Variants in NFATC1 observed in about 807,000 individuals in gnomAD.
NFATC1 encodes nuclear factor of activated T cells 1.
NFATC1 carries 22 observed loss-of-function variants against 76.0 expected under a neutral mutation model. That is an observed-to-expected ratio of 0.29 (90% CI 0.21 to 0.41). The LOEUF is 0.41. Among genes scored for constraint, NFATC1 ranks in the 10% least tolerant of loss-of-function variants. The pLI, the probability that NFATC1 is intolerant of heterozygous loss-of-function variation, is 1.00. For synonymous variants in NFATC1, 704 were observed against 613.1 expected, an observed-to-expected ratio of 1.15 and a Z score of -2.19; for missense variants, 1,357 against 1,337.7, an observed-to-expected ratio of 1.01 and a Z score of -0.23.
chr18:79,486,466 C>T lies in NFATC1; in HGVS notation c.2311C>T (p.Leu771Phe), dbSNP rs2089498651. ...TGGCGTGAGCCCCAAGCTCCACGAC[C>T]TTTCTCCCGCTGCCTACACCAAGGG... The part of the protein sequence containing the change: ...APGVSPKLHD[L>F]SPAAYTKGVA... The change falls in exon 9 of 10, where the codon CTT becomes TTT. Residue 771 changes from leucine to phenylalanine, a missense_variant. By Grantham distance (22) the Leu-to-Phe change is conservative. Around this residue, in one of 3 missense-constraint regions of NFATC1, gnomAD observed 424 missense variants for 395.4 expected, o/e 1.07. Coordinates refer to ENST00000427363, the MANE Select transcript of NFATC1 (RefSeq NM_001278669.2). 6.2e-7 allele frequency: 1 copy of T among 1,609,892 alleles called. No homozygotes were observed. The highest frequency in any genetic ancestry group is 8.5e-7 in the Non-Finnish European group (1 of 1,179,830).
At chr18:79,446,425 A>G (rs2144749197) in intron 3 of NFATC1, among the ~76,000 whole-genome samples, 1 of 152,260 alleles carries the variant, frequency 6.6e-6, no homozygotes, top group South Asian at 2.1e-4. Flanking sequence ...TCAGCGACTC[A>G]TTTACATTTT....
At chr18:79,513,527 A>G (rs1455657683) in intron 9 of NFATC1, among the ~76,000 whole-genome samples, 1 of 152,260 alleles carries the variant, frequency 6.6e-6, no homozygotes, top group Non-Finnish European at 1.5e-5. Context: ...TTAAAGATTC[A>G]AACGATAATT....
chr18:79,488,756 G>C (rs1044184733), intron 9 of NFATC1, among the ~76,000 whole-genome samples: 1 of 152,158 alleles, frequency 6.6e-6, no homozygotes, highest in African/African-American at 2.4e-5. Context: ...GCGGTACCAG[G>C]TGGTCCCAAG....
chr18:79,464,583 G>A (rs928512997), intron 7 of NFATC1, among the ~76,000 whole-genome samples: 2 of 142,666 alleles, frequency 1.4e-5, no homozygotes, highest in Non-Finnish European at 3.1e-5. Context: ...ATTTGCTGCT[G>A]TGTGTGGATG....
intron 2 of NFATC1, 41 bp downstream of exon 2, chr18:79,411,542 G>A (rs1235777882): frequency 2.9e-6 from 4 of 1,356,896 alleles, no homozygotes; most frequent in East Asian, 5.8e-5. Context: ...GGCGAGGGGA[G>A]GCGCGGGGCG....
At chr18:79,454,226 G>A (rs578029705) in intron 6 of NFATC1, among the ~76,000 whole-genome samples, 49 of 152,330 alleles carry the variant, frequency 3.2e-4, no homozygotes, top group African/African-American at 1.2e-3. Flanking sequence ...GGTGCAGATG[G>A]TTGTAGCTGT....
rs755060577 is a variant in NFATC1, at chr18:79,486,606, A to T, written c.2451A>T (p.Pro817=). Residue 817 remains proline (P), a synonymous_variant, in exon 9 of 10, where the codon CCA becomes CCT. Coordinates refer to ENST00000427363, the MANE Select transcript of NFATC1 (RefSeq NM_001278669.2). The stretch of plus-strand genomic sequence containing the variant: ...CGCACCCCGGCTCGCCCGGGCAGCC[A>T]CCCCCGGCCCTGCTGCCACAGCAGG... ...VATHPGSPGQ[P]PPALLPQQVS... is the part of the protein sequence containing the mutation. 40 of 1,592,296 alleles carry T rather than the reference A, an allele frequency of 2.5e-5. No individual in the cohort carries two copies. In the South Asian group the frequency reaches 4.0e-4, roughly 16 times the overall value.
At position 79,492,901 on chromosome 18, in the gene NFATC1, CTTTT is replaced by C. The variant is rs10605674; in HGVS notation, c.2782+5986_2782+5989del. 6.5e-3 allele frequency among the ~76,000 whole-genome samples: 567 copies of C among 87,228 alleles called. 1 individual carries two copies. The highest frequency in any genetic ancestry group is 8.6e-3 in the Non-Finnish European group (413 of 47,918). 57.2% of individuals were successfully genotyped at this position (87,228 alleles called of 152,430 possible). On this transcript the variant is annotated intron_variant, in intron 9 of 9. Transcript: ENST00000427363. The stretch of plus-strand genomic sequence containing the variant: ...AAAAAAAAAAGAAAAATGAATCCAG[CTTTT>C]TTTTTTTTTTTTTTTTTTTTTAGGA...
intron 9 of NFATC1, among the ~76,000 whole-genome samples, chr18:79,520,612 T>G (rs867793716): frequency 0.06 from 3,159 of 52,612 alleles, 94 homozygotes; most frequent in Non-Finnish European, 0.078. Flanking sequence ...TGTGTGTGTG[T>G]GGGGGGGGCA....
At chr18:79,469,806 C>T in intron 8 of NFATC1, 1 of 985,508 alleles carries the variant, frequency 1.0e-6, no homozygotes, top group Non-Finnish European at 1.2e-6. Flanking sequence ...CACAAGCACA[C>T]TGACCAGCCC....
intron 9 of NFATC1, among the ~76,000 whole-genome samples, chr18:79,495,239 AAGG>A (rs913642123): frequency 1.3e-5 from 2 of 152,228 alleles, no homozygotes; most frequent in African/African-American, 2.4e-5. Context: ...GCACGGGAGA[AAGG>A]AGAGGTGCCC....
At chr18:79,487,484 C>T (rs1421842347) in intron 9 of NFATC1, among the ~76,000 whole-genome samples, 2 of 152,196 alleles carry the variant, frequency 1.3e-5, no homozygotes, top group Non-Finnish European at 2.9e-5. Context: ...CTAGACTGTG[C>T]CTTCAGGCCC....
At chr18:79,514,817 A>G (rs1351477265) in intron 9 of NFATC1, among the ~76,000 whole-genome samples, 2 of 150,882 alleles carry the variant, frequency 1.3e-5, no homozygotes, top group Non-Finnish European at 3.0e-5. Flanking sequence ...AGGCTGAGGC[A>G]AGAGGATCAC....
At chr18:79,404,795 C>T (rs1003989577) in intron 1 of NFATC1, among the ~76,000 whole-genome samples, 11 of 152,290 alleles carry the variant, frequency 7.2e-5, no homozygotes, top group Admixed American at 3.3e-4. Context: ...GAGTGGCTGT[C>T]TGGGAACTGC....
intron 3 of NFATC1, among the ~76,000 whole-genome samples, chr18:79,436,293 A>G (rs1464739738): frequency 6.6e-6 from 1 of 152,224 alleles, no homozygotes; most frequent in East Asian, 1.9e-4. Flanking sequence ...GGTCAGAGCC[A>G]CTGGGAGCCG....
chr18:79,466,948 G>A (rs980688217), intron 7 of NFATC1, among the ~76,000 whole-genome samples: 3 of 152,224 alleles, frequency 2.0e-5, no homozygotes, highest in Non-Finnish European at 4.4e-5. Context: ...TTTGGCATCA[G>A]AGCAGGCAGA....
At chr18:79,481,083 C>A (rs116257772) in intron 8 of NFATC1, among the ~76,000 whole-genome samples, 1 of 152,250 alleles carries the variant, frequency 6.6e-6, no homozygotes, top group Non-Finnish European at 1.5e-5. Context: ...TTTCCAGTGA[C>A]CCCTGCACCT....
At chr18:79,439,703 C>T (rs1232112792) in intron 3 of NFATC1, among the ~76,000 whole-genome samples, 1 of 152,206 alleles carries the variant, frequency 6.6e-6, no homozygotes, top group African/African-American at 2.4e-5. Flanking sequence ...CAAGAACTCT[C>T]AGAAGTGCAG....
At position 79,401,300 on chromosome 18, in the gene NFATC1, G is replaced by T. The variant is rs1236608631; in HGVS notation, c.127+4949G>T. Among the ~76,000 whole-genome samples, 5 of 152,048 alleles carry T rather than the reference G, an allele frequency of 3.3e-5. No homozygotes were observed. In the East Asian group the frequency reaches 9.8e-4, roughly 30 times the overall value. ...AAGCCGGAGGAGCTTGGCAAGCAGG[G>T]ACCTCCGCCGAGTCTGTAATGAGGG... On this transcript the variant is annotated intron_variant, in intron 1 of 9. Coordinates refer to ENST00000427363, the MANE Select transcript of NFATC1 (RefSeq NM_001278669.2).
Sources: allele counts gnomAD v4.1 joint callset (sites outside exome capture counted in the v4.1 genomes callset), GRCh38; gene constraint gnomAD v4.1.1; regional missense constraint gnomAD v4.1.1; transcripts MANE v1.5; gene names NCBI Gene and HGNC (gene_info 2026-07-23, HGNC 2026-07-21).